The following KIAA1549L variants were observed in gnomAD, a reference collection of about 807,000 sequenced individuals.
KIAA1549L encodes the protein UPF0606 protein KIAA1549L.
In KIAA1549L, 88 loss-of-function variants were observed where a neutral mutation model predicts 160.7. That is an observed-to-expected ratio of 0.55 (90% CI 0.46 to 0.65). The LOEUF (loss-of-function observed/expected upper bound fraction) is 0.65, where lower values mean the gene tolerates loss of function less well. Ranked by LOEUF, KIAA1549L falls within the 30% of genes least tolerant of loss-of-function variation. The probability of loss-of-function intolerance (pLI) is 0.00; values close to 1 mark genes in which losing one functional copy is unlikely to be tolerated. For synonymous variants in KIAA1549L, 950 were observed against 976.7 expected (o/e 0.97, Z 0.51); for missense variants, 2,258 against 2,437.5 (o/e 0.93, Z 1.55).
chr11:33,511,482 A>T (rs1203223477), intron 1 of KIAA1549L, among the ~76,000 whole-genome samples: 1 of 152,188 alleles, frequency 6.6e-6, no homozygotes, highest in African/African-American at 2.4e-5. Flanking sequence ...AAGGAAGTGT[A>T]TTTCCAATGG....
intron 1 of KIAA1549L, among the ~76,000 whole-genome samples, chr11:33,452,038 C>T (rs964714931): frequency 2.0e-5 from 3 of 152,168 alleles, no homozygotes; most frequent in South Asian, 2.1e-4. Context: ...CGATGATTTT[C>T]CCCATTGTGC....
chr11:33,497,262 T>C (rs140154455), intron 1 of KIAA1549L, among the ~76,000 whole-genome samples: 5 of 152,332 alleles, frequency 3.3e-5, no homozygotes, highest in African/African-American at 1.2e-4. Context: ...TAAGATACTT[T>C]CCAGCACAAA....
rs772908615 is a variant in KIAA1549L, at chr11:33,542,734, G to T, written c.1171G>T (p.Ala391Ser). 2 of 1,614,012 alleles carry T rather than the reference G, an allele frequency of 1.2e-6. No homozygotes were observed. The change falls in exon 2 of 21, where the codon GCT (alanine) becomes TCT (serine). Residue 391 changes from alanine to serine, a missense_variant. Physicochemically the swap from Ala to Ser is moderately conservative, Grantham distance 99 (BLOSUM62 1). Transcript: ENST00000658780. ...TCCTGCATCCACCCAGCAGATCAAA[G>T]CTGGGGTGCCTGGAAGAGTGCACAA... ...SGPASTQQIK[A>S]GVPGRVHNGV... is the part of the protein sequence containing the mutation.
At chr11:33,609,587 T>C (rs936792811) in intron 14 of KIAA1549L, among the ~76,000 whole-genome samples, 162 bp from the exon 15 acceptor site, 3 of 152,188 alleles carry the variant, frequency 2.0e-5, no homozygotes, top group Non-Finnish European at 2.9e-5. Context: ...TCTACTGTTG[T>C]GGGCTTGTCT....
chr11:33,431,441 C>A (rs1326662563), intron 1 of KIAA1549L, among the ~76,000 whole-genome samples: 1 of 152,080 alleles, frequency 6.6e-6, no homozygotes, highest in Non-Finnish European at 1.5e-5. Context: ...CTCCATGTCC[C>A]CATCAGATTA....
chr11:33,665,072 T>C (rs58641052), intron 20 of KIAA1549L: 4,194 of 152,356 alleles, frequency 0.028, 99 homozygotes, highest in African/African-American at 0.065. Context: ...CACTGATGCT[T>C]CCTGGGGACA....
intron 1 of KIAA1549L, among the ~76,000 whole-genome samples, chr11:33,460,987 T>A (rs1412027823): frequency 1.3e-5 from 2 of 152,186 alleles, no homozygotes; most frequent in African/African-American, 2.4e-5. Context: ...TTCTTTTTAT[T>A]TATCTGTATT....
intron 1 of KIAA1549L, among the ~76,000 whole-genome samples, chr11:33,458,791 T>C (rs988584848): frequency 3.9e-5 from 6 of 152,228 alleles, no homozygotes; most frequent in Non-Finnish European, 5.9e-5. Context: ...GATGTCATTC[T>C]GCTGCTGTGG....
chr11:33,380,007 G>A (rs756871432), intron 1 of KIAA1549L, among the ~76,000 whole-genome samples: 54 of 152,208 alleles, frequency 3.5e-4, no homozygotes, highest in Admixed American at 1.1e-3. Context: ...TAATTCTGGG[G>A]GCATGGGGGC....
intron 20 of KIAA1549L, among the ~76,000 whole-genome samples, chr11:33,666,255 A>G (rs907012634): frequency 2.0e-5 from 3 of 152,096 alleles, no homozygotes; most frequent in African/African-American, 4.8e-5. Flanking sequence ...TCCTGCTCCA[A>G]CTCAGAAGGG....
At chr11:33,523,641 C>T (rs899234097) in intron 1 of KIAA1549L, among the ~76,000 whole-genome samples, 1 of 152,146 alleles carries the variant, frequency 6.6e-6, no homozygotes, top group African/African-American at 2.4e-5. Flanking sequence ...TTTGAGAAAA[C>T]ACTGAGTCCT....
chr11:33,598,124 A>G (rs1364167582), intron 12 of KIAA1549L, among the ~76,000 whole-genome samples: 1 of 152,246 alleles, frequency 6.6e-6, no homozygotes, highest in African/African-American at 2.4e-5. Flanking sequence ...GAATGAACAA[A>G]TAGCTCAAAA....
At chr11:33,469,220 A>G (rs752259237) in intron 1 of KIAA1549L, among the ~76,000 whole-genome samples, 1 of 151,972 alleles carries the variant, frequency 6.6e-6, no homozygotes, top group Non-Finnish European at 1.5e-5. Context: ...GTCCTACGCA[A>G]TCTACCTTCT....
intron 4 of KIAA1549L, among the ~76,000 whole-genome samples, chr11:33,549,948 T>C (rs931091003): frequency 6.0e-5 from 9 of 151,108 alleles, no homozygotes; most frequent in Non-Finnish European, 1.3e-4. Context: ...AAGGCTGCAG[T>C]GAGCTGTGAT....
chr11:33,611,886 AGAAT>A (rs1850657361), intron 15 of KIAA1549L, among the ~76,000 whole-genome samples: 1 of 152,246 alleles, frequency 6.6e-6, no homozygotes, highest in Non-Finnish European at 1.5e-5. Flanking sequence ...TTATGAAAAG[AGAAT>A]GAATGAAGAA....
At chr11:33,632,856 A>G (rs1245610208) in intron 16 of KIAA1549L, among the ~76,000 whole-genome samples, 1 of 152,134 alleles carries the variant, frequency 6.6e-6, no homozygotes, top group African/African-American at 2.4e-5. Flanking sequence ...TCAGCCTCCC[A>G]GAGTGCTGGG....
intron 10 of KIAA1549L, among the ~76,000 whole-genome samples, chr11:33,580,791 A>G (rs888936412): frequency 1.3e-5 from 2 of 152,198 alleles, no homozygotes; most frequent in Non-Finnish European, 2.9e-5. Flanking sequence ...TAGGGTGGGC[A>G]GATCAAAGAA....
chr11:33,407,062 C>G (rs201202386), intron 1 of KIAA1549L, among the ~76,000 whole-genome samples: 2 of 149,318 alleles, frequency 1.3e-5, no homozygotes, highest in East Asian at 4.0e-4. Flanking sequence ...ATGTGGAGTT[C>G]AGTCCTTTTT....
chr11:33,655,920 G>A, intron 17 of KIAA1549L, 92 bp from the exon 18 acceptor site: 2 of 826,702 alleles, frequency 2.4e-6, no homozygotes, highest in Non-Finnish European at 4.1e-6. Context: ...CTGACCCTTG[G>A]AAGTTTGCTT....
Sources: allele counts gnomAD v4.1 joint callset (sites outside exome capture counted in the v4.1 genomes callset), GRCh38; gene constraint gnomAD v4.1.1; transcripts MANE v1.5; gene names NCBI Gene and HGNC (gene_info 2026-07-23, HGNC 2026-07-21).